PTPRD: variants seen among roughly 807,000 people sequenced by gnomAD.
PTPRD encodes receptor-type tyrosine-protein phosphatase delta.
In PTPRD, 34 loss-of-function variants were observed where a neutral mutation model predicts 214.5. The observed-to-expected ratio is 0.16, with a 90% CI of 0.12 to 0.21. PTPRD has a LOEUF of 0.21. PTPRD is among the 10% of genes least tolerant of loss of function. The pLI is 1.00. For missense variants in PTPRD, 2,545 were observed against 2,398.7 expected, an observed-to-expected ratio of 1.06 and a Z score of -1.27; for synonymous variants, 1,128 against 845.7, an observed-to-expected ratio of 1.33 and a Z score of -5.79.
At chr9:8,890,650 A>T (rs929860365) in intron 11 of PTPRD, among the ~76,000 whole-genome samples, 1 of 152,330 alleles carries the variant, frequency 6.6e-6, no homozygotes, top group South Asian at 2.1e-4. Flanking sequence ...CCATTCCTAG[A>T]ACAAATTTTC....
chr9:8,855,865 A>G (rs149746419), intron 11 of PTPRD, among the ~76,000 whole-genome samples: 5 of 152,330 alleles, frequency 3.3e-5, no homozygotes, highest in Admixed American at 6.5e-5. Context: ...ACTGGACACA[A>G]TCTGACAGCT....
rs2154499836 is a variant in PTPRD at position 10,404,655 on chromosome 9, T to C, written c.-599-63638A>G. Among the ~76,000 whole-genome samples, 2 of 49,874 alleles carry C rather than the reference T, an allele frequency of 4.0e-5. 1 individual carries two copies. Among genetic ancestry groups the C allele is most frequent in the Admixed American group, 4.4e-4 (2 of 4,504 alleles). The allele number at this position is 49,874 out of a possible 152,430, so 32.7% of individuals were successfully genotyped here. ...TGAACTTCTAGAAATTATCATTTCA[T>C]GTTCTGGCATCTTATTTGGAATATC... On this transcript the variant is annotated intron_variant, in intron 2 of 45. Transcript: ENST00000381196.
intron 2 of PTPRD, among the ~76,000 whole-genome samples, chr9:10,543,450 A>C (rs2059549110): frequency 6.7e-6 from 1 of 150,120 alleles, no homozygotes; most frequent in African/African-American, 2.5e-5. Context: ...CCTTAACTCT[A>C]CCAGTTTGAA....
intron 6 of PTPRD, among the ~76,000 whole-genome samples, chr9:9,754,710 A>G (rs113168120): frequency 0.016 from 2,373 of 152,164 alleles, 38 homozygotes; most frequent in African/African-American, 0.04. Flanking sequence ...TACTTGTTAC[A>G]GGCAGTTGGA....
intron 37 of PTPRD, among the ~76,000 whole-genome samples, chr9:8,377,992 A>G (rs1192885066): frequency 1.3e-5 from 2 of 152,114 alleles, no homozygotes; most frequent in African/African-American, 2.4e-5. Context: ...TTTCCCAGAC[A>G]AGACAAAAAA....
At chr9:10,424,541 A>G (rs1225748491) in intron 2 of PTPRD, among the ~76,000 whole-genome samples, 1 of 151,948 alleles carries the variant, frequency 6.6e-6, no homozygotes, top group Non-Finnish European at 1.5e-5. Flanking sequence ...GGAAAGTATC[A>G]TGTGGATGCT....
intron 36 of PTPRD, among the ~76,000 whole-genome samples, chr9:8,396,571 C>A (rs183610938): frequency 6.6e-6 from 1 of 152,108 alleles, no homozygotes; most frequent in South Asian, 2.1e-4. Context: ...AATAAACTCA[C>A]TCCCAGAGCT....
At chr9:8,596,723 G>C (rs2094495835) in intron 14 of PTPRD, among the ~76,000 whole-genome samples, 1 of 152,042 alleles carries the variant, frequency 6.6e-6, no homozygotes, top group Non-Finnish European at 1.5e-5. Context: ...AATAAAATCT[G>C]TGTTAAGAGT....
intron 14 of PTPRD, among the ~76,000 whole-genome samples, chr9:8,545,673 T>A (rs139255834): frequency 1.3e-3 from 204 of 152,310 alleles, no homozygotes; most frequent in African/African-American, 4.7e-3. Flanking sequence ...ACAGAGACAT[T>A]ACCTCATTCA....
intron 3 of PTPRD, among the ~76,000 whole-genome samples, chr9:10,267,115 CG>C (rs2094120162): frequency 6.8e-6 from 1 of 146,740 alleles, no homozygotes; most frequent in Non-Finnish European, 1.5e-5. Context: ...CGCCTGAACT[CG>C]GGGGGCAGAG....
At chr9:9,068,810 C>G (rs1415891555) in intron 10 of PTPRD, among the ~76,000 whole-genome samples, 1 of 152,052 alleles carries the variant, frequency 6.6e-6, no homozygotes, top group Admixed American at 6.6e-5. Context: ...TGGGGTTTCA[C>G]TATGTTGGCC....
At chr9:9,285,078 GTATGTAA>G (rs1340531481) in intron 9 of PTPRD, among the ~76,000 whole-genome samples, 2 of 151,712 alleles carry the variant, frequency 1.3e-5, no homozygotes, top group East Asian at 3.9e-4. Flanking sequence ...CCACCACCTA[GTATGTAA>G]TATAAAACCT....
intron 12 of PTPRD, among the ~76,000 whole-genome samples, chr9:8,698,967 G>T (rs147072819): frequency 7.9e-5 from 12 of 152,170 alleles, no homozygotes; most frequent in Non-Finnish European, 1.8e-4. Context: ...GCACTCTCCA[G>T]CCACTGGGCA....
chr9:8,638,760 T>C (rs2096504340), intron 12 of PTPRD, among the ~76,000 whole-genome samples: 1 of 152,176 alleles, frequency 6.6e-6, no homozygotes, highest in Non-Finnish European at 1.5e-5. Flanking sequence ...TCATAACCTG[T>C]AGCATCTCAG....
chr9:8,948,160 C>T (rs924514991), intron 11 of PTPRD, among the ~76,000 whole-genome samples: 2 of 150,692 alleles, frequency 1.3e-5, no homozygotes, highest in Non-Finnish European at 2.9e-5. Flanking sequence ...GCTGGGACTA[C>T]AGGTGCATGC....
At chr9:9,784,510 T>C (rs891850358) in intron 5 of PTPRD, among the ~76,000 whole-genome samples, 1 of 152,058 alleles carries the variant, frequency 6.6e-6, no homozygotes, top group South Asian at 2.1e-4. Context: ...TTTTCCTGTT[T>C]CACAAATTTC....
intron 9 of PTPRD, among the ~76,000 whole-genome samples, chr9:9,376,375 T>C (rs2060806648): frequency 6.6e-6 from 1 of 152,144 alleles, no homozygotes; most frequent in Non-Finnish European, 1.5e-5. Context: ...TAATCAGTGA[T>C]TACTAAAAAC....
At chr9:9,128,767 T>C (rs1480433100) in intron 10 of PTPRD, among the ~76,000 whole-genome samples, 1 of 152,230 alleles carries the variant, frequency 6.6e-6, no homozygotes, top group Non-Finnish European at 1.5e-5. Flanking sequence ...TAAATTGTAG[T>C]TGCAGCTGTG....
At chr9:9,558,132 T>G (rs1382343587) in intron 8 of PTPRD, among the ~76,000 whole-genome samples, 1 of 152,142 alleles carries the variant, frequency 6.6e-6, no homozygotes, top group Admixed American at 6.5e-5. Context: ...TCTCTCTGTC[T>G]TTCTCTGGGT....
Sources: allele counts gnomAD v4.1 joint callset (sites outside exome capture counted in the v4.1 genomes callset), GRCh38; gene constraint gnomAD v4.1.1; transcripts MANE v1.5; gene names NCBI Gene and HGNC (gene_info 2026-07-23, HGNC 2026-07-21).